DRC11: variants seen among roughly 807,000 people sequenced by gnomAD.
DRC11 encodes the protein dynein regulatory complex subunit 11.
chr2:236,308,459 C>T, the DRC11 span, among the ~76,000 whole-genome samples: 3 of 152,246 alleles, frequency 2.0e-5, no homozygotes, highest in Non-Finnish European at 4.4e-5. The surrounding 1 kb of genome is among the most constrained non-coding windows in gnomAD (Gnocchi z 6.0). Flanking sequence ...TGCAGCAATG[C>T]ACAGAGATCT....
the DRC11 span, among the ~76,000 whole-genome samples, chr2:236,472,442 A>G: frequency 4.6e-5 from 7 of 152,226 alleles, no homozygotes; most frequent in Admixed American, 1.3e-4. This position sits in a 1 kb window ranked among gnomAD's most constrained non-coding sequence, Gnocchi z 4.6. Flanking sequence ...CTTCAGCAGT[A>G]TATGATGACA....
At chr2:236,499,511 C>T in the DRC11 span, among the ~76,000 whole-genome samples, 1 of 152,236 alleles carries the variant, frequency 6.6e-6, no homozygotes, top group Non-Finnish European at 1.5e-5. The surrounding 1 kb of genome is among the most constrained non-coding windows in gnomAD (Gnocchi z 4.7). Context: ...TCACTGCAAC[C>T]TCCGCCTCCT....
chr2:236,334,373 G>A, the DRC11 span, among the ~76,000 whole-genome samples: 7 of 152,294 alleles, frequency 4.6e-5, no homozygotes, highest in Admixed American at 4.6e-4. This position sits in a 1 kb window ranked among gnomAD's most constrained non-coding sequence, Gnocchi z 7.8. Flanking sequence ...GAGCCCCAGA[G>A]GCTGTGGGGT....
At chr2:236,418,694 T>C in the DRC11 span, among the ~76,000 whole-genome samples, 1 of 152,218 alleles carries the variant, frequency 6.6e-6, no homozygotes, top group African/African-American at 2.4e-5. Flanking sequence ...TGGTAACAAA[T>C]ACTTCTGTTA....
the DRC11 span, among the ~76,000 whole-genome samples, chr2:236,386,631 T>G: frequency 6.6e-6 from 1 of 152,156 alleles, no homozygotes; most frequent in African/African-American, 2.4e-5. Context: ...ATTCGTTAAT[T>G]TTTTGAAGTG....
chr2:236,342,530 T>C, the DRC11 span, among the ~76,000 whole-genome samples: 1 of 152,160 alleles, frequency 6.6e-6, no homozygotes, highest in South Asian at 2.1e-4. The surrounding 1 kb of genome is among the most constrained non-coding windows in gnomAD (Gnocchi z 5.8). Flanking sequence ...GGCCCAGTCA[T>C]GGCTCTGGAG....
chr2:236,420,330 A>C, the DRC11 span, among the ~76,000 whole-genome samples: 1 of 152,336 alleles, frequency 6.6e-6, no homozygotes, highest in Admixed American at 6.5e-5. This position sits in a 1 kb window ranked among gnomAD's most constrained non-coding sequence, Gnocchi z 4.8. Flanking sequence ...ATAATGTATA[A>C]GAACACATGT....
chr2:236,407,430 G>T, the DRC11 span, among the ~76,000 whole-genome samples: 1,357 of 152,260 alleles, frequency 8.9e-3, 51 homozygotes, highest in East Asian at 0.12. Context: ...TCAGCTCTCT[G>T]GCTTTTGAAC....
the DRC11 span, among the ~76,000 whole-genome samples, chr2:236,444,471 C>A: frequency 1.3e-5 from 2 of 152,184 alleles, no homozygotes; most frequent in African/African-American, 4.8e-5. Context: ...TTTGGATTCC[C>A]TGAACAGATC....
chr2:236,356,557 CTT>C, the DRC11 span, among the ~76,000 whole-genome samples: 4 of 152,208 alleles, frequency 2.6e-5, no homozygotes, highest in Non-Finnish European at 5.9e-5. Flanking sequence ...CTCTGGTTCT[CTT>C]GCATTTTTGT....
the DRC11 span, among the ~76,000 whole-genome samples, chr2:236,446,056 T>C: frequency 6.6e-6 from 1 of 151,218 alleles, no homozygotes; most frequent in East Asian, 1.9e-4. This position sits in a 1 kb window ranked among gnomAD's most constrained non-coding sequence, Gnocchi z 6.2. Context: ...GAGACAGTTA[T>C]GAGTTCTATT....
the DRC11 span, among the ~76,000 whole-genome samples, chr2:236,317,592 A>G: frequency 3.3e-5 from 5 of 152,232 alleles, no homozygotes; most frequent in Non-Finnish European, 5.9e-5. The surrounding 1 kb of genome is among the most constrained non-coding windows in gnomAD (Gnocchi z 5.4). Flanking sequence ...AGGGCTTCTC[A>G]GGAGCTGGGA....
chr2:236,396,206 C>T, the DRC11 span, among the ~76,000 whole-genome samples: 1 of 146,300 alleles, frequency 6.8e-6, no homozygotes, highest in Non-Finnish European at 1.5e-5. Flanking sequence ...AACAACTGCC[C>T]CACTCTCTCC....
the DRC11 span, among the ~76,000 whole-genome samples, chr2:236,453,351 C>T: frequency 1.3e-5 from 2 of 152,198 alleles, no homozygotes; most frequent in Non-Finnish European, 1.5e-5. This position sits in a 1 kb window ranked among gnomAD's most constrained non-coding sequence, Gnocchi z 4.9. Flanking sequence ...CTTATTTGAT[C>T]AAGTGCTAAA....
At chr2:236,331,568 C>T in the DRC11 span, 1 of 1,613,838 alleles carries the variant, frequency 6.2e-7, no homozygotes, top group African/African-American at 1.3e-5. The surrounding 1 kb of genome is among the most constrained non-coding windows in gnomAD (Gnocchi z 4.8). Flanking sequence ...AGGACTCCTC[C>T]ATTGCGTTCA....
the DRC11 span, among the ~76,000 whole-genome samples, chr2:236,336,634 G>A: frequency 4.6e-5 from 7 of 151,932 alleles, no homozygotes; most frequent in East Asian, 1.9e-4. The surrounding 1 kb of genome is among the most constrained non-coding windows in gnomAD (Gnocchi z 7.3). Flanking sequence ...CCTCCTCAGC[G>A]TCACCCCACA....
the DRC11 span, among the ~76,000 whole-genome samples, chr2:236,393,748 C>T: frequency 6.6e-6 from 1 of 152,174 alleles, no homozygotes; most frequent in Non-Finnish European, 1.5e-5. This position sits in a 1 kb window ranked among gnomAD's most constrained non-coding sequence, Gnocchi z 4.7. Context: ...CTGAGGCAAA[C>T]TCAGAACTGG....
At chr2:236,494,324 CTAG>C in the DRC11 span, among the ~76,000 whole-genome samples, 1 of 152,070 alleles carries the variant, frequency 6.6e-6, no homozygotes, top group African/African-American at 2.4e-5. The surrounding 1 kb of genome is among the most constrained non-coding windows in gnomAD (Gnocchi z 4.2). Flanking sequence ...ACATTTTTTT[CTAG>C]TAATTTGGTT....
At chr2:236,392,686 C>G in the DRC11 span, among the ~76,000 whole-genome samples, 1 of 152,150 alleles carries the variant, frequency 6.6e-6, no homozygotes, top group Non-Finnish European at 1.5e-5. This position sits in a 1 kb window ranked among gnomAD's most constrained non-coding sequence, Gnocchi z 5.1. Context: ...TGGGATTATA[C>G]AATCACAGAT....
Sources: gnomAD v4.1 joint callset for allele counts (sites outside exome capture counted in the v4.1 genomes callset) on GRCh38, gnomAD v4.1.1 for gene constraint, Gnocchi (gnomAD v3.1) non-coding constraint, MANE v1.5 for transcripts, NCBI Gene and HGNC (gene_info 2026-07-23, HGNC 2026-07-21) for gene names.